The following UBE2E1 variants were observed in gnomAD, a reference collection of about 807,000 sequenced individuals.
The protein encoded by UBE2E1 is ubiquitin-conjugating enzyme E2 E1.
A neutral mutation model predicts 21.4 loss-of-function variants in UBE2E1; 6 were observed. The ratio of observed to expected loss-of-function variants is 0.28; its 90% CI spans 0.15 to 0.55. The LOEUF is 0.55. Ranked by LOEUF, UBE2E1 falls within the 20% of genes least tolerant of loss-of-function variation. UBE2E1 has a pLI of 0.93. For missense variants in UBE2E1, 142 were observed against 236.5 expected (o/e 0.60, Z 2.62); for synonymous variants, 87 against 82.7 (o/e 1.05, Z -0.28).
chr3:23,834,862 A>G (rs1486727465), intron 3 of UBE2E1, among the ~76,000 whole-genome samples: 1 of 152,250 alleles, frequency 6.6e-6, no homozygotes, highest in Non-Finnish European at 1.5e-5. Context: ...TATTAATGTA[A>G]TGAAAGAAAT....
At chr3:23,875,897 T>C (rs972645940) in intron 3 of UBE2E1, among the ~76,000 whole-genome samples, 9 of 152,190 alleles carry the variant, frequency 5.9e-5, no homozygotes, top group African/African-American at 1.9e-4. Context: ...CTCACCCTTC[T>C]GAGTAGCTGG....
intron 3 of UBE2E1, among the ~76,000 whole-genome samples, chr3:23,825,460 G>A (rs554198987): frequency 6.6e-6 from 1 of 152,338 alleles, no homozygotes; most frequent in East Asian, 1.9e-4. Context: ...CAGCAAAAAA[G>A]ACACTGTCTC....
chr3:23,822,376 T>C (rs776391287), intron 3 of UBE2E1, among the ~76,000 whole-genome samples: 2 of 152,218 alleles, frequency 1.3e-5, no homozygotes, highest in Non-Finnish European at 2.9e-5. Flanking sequence ...TTCTACACTT[T>C]AGGGCAGAAT....
At chr3:23,821,452 T>A (rs1699643221) in intron 3 of UBE2E1, among the ~76,000 whole-genome samples, 1 of 152,224 alleles carries the variant, frequency 6.6e-6, no homozygotes, top group Non-Finnish European at 1.5e-5. Flanking sequence ...TTTTTCTCAA[T>A]AATGCTTTAA....
chr3:23,813,863 G>A (rs1699455045), intron 3 of UBE2E1, among the ~76,000 whole-genome samples: 1 of 152,108 alleles, frequency 6.6e-6, no homozygotes, highest in Non-Finnish European at 1.5e-5. Context: ...TTTGAAGTCA[G>A]CGTCCAATGA....
intron 3 of UBE2E1, among the ~76,000 whole-genome samples, chr3:23,860,060 G>GA (rs1700520058): frequency 6.6e-6 from 1 of 152,174 alleles, no homozygotes; most frequent in South Asian, 2.1e-4. Flanking sequence ...AGGATGTCTT[G>GA]AAATAAGGGA....
chr3:23,825,008 G>A (rs909239279), intron 3 of UBE2E1, among the ~76,000 whole-genome samples: 7 of 152,188 alleles, frequency 4.6e-5, no homozygotes, highest in Admixed American at 2.0e-4. Flanking sequence ...TCCCCAACAA[G>A]TATATACGAA....
chr3:23,814,636 C>G (rs776089382), intron 3 of UBE2E1, among the ~76,000 whole-genome samples: 1 of 152,106 alleles, frequency 6.6e-6, no homozygotes, highest in Non-Finnish European at 1.5e-5. Context: ...TAAAGCGTGC[C>G]AGATCTTAGA....
At chr3:23,869,542 T>C (rs1700735544) in intron 3 of UBE2E1, among the ~76,000 whole-genome samples, 1 of 151,428 alleles carries the variant, frequency 6.6e-6, no homozygotes, top group Non-Finnish European at 1.5e-5. Context: ...TACAAGTAGT[T>C]TATTTCCAGG....
At chr3:23,846,403 A>G (rs1043454357) in intron 3 of UBE2E1, among the ~76,000 whole-genome samples, 2 of 152,066 alleles carry the variant, frequency 1.3e-5, no homozygotes, top group Non-Finnish European at 2.9e-5. Context: ...AGTCTCTTAA[A>G]AAAGAGAATG....
In UBE2E1 at chr3:23,885,875, A is replaced by C. The variant is rs187360797; in HGVS notation, c.204-1692A>C. Among the ~76,000 whole-genome samples, 557 of 151,786 alleles carry C rather than the reference A, an allele frequency of 3.7e-3. 1 individual carries two copies. The highest frequency in any genetic ancestry group is 0.024 in the Middle Eastern group (7 of 294). On this transcript the variant is annotated intron_variant, in intron 3 of 5. Coordinates refer to ENST00000306627, the MANE Select transcript of UBE2E1 (RefSeq NM_003341.5). Reference sequence around the variant, plus strand: ...AACTCCGCCTTAAAAAACAAACAAAAAAAACAAAACAAACAAAAAAACTCT... The same window carrying C: ...AACTCCGCCTTAAAAAACAAACAAACAAAACAAAACAAACAAAAAAACTCT...
intron 3 of UBE2E1, among the ~76,000 whole-genome samples, chr3:23,835,883 G>A (rs946716886): frequency 3.9e-5 from 6 of 152,152 alleles, no homozygotes; most frequent in South Asian, 2.1e-4. Flanking sequence ...ATTTCAACAC[G>A]TAATAGCTTT....
At position 23,853,005 on chromosome 3, in the gene UBE2E1, C is replaced by T. The variant is rs1700359183; in HGVS notation, c.204-34562C>T. Among the ~76,000 whole-genome samples the T allele has an allele frequency of 6.6e-6, 1 of 152,056 alleles. No homozygotes were observed. Among genetic ancestry groups the T allele is most frequent in the Non-Finnish European group, 1.5e-5 (1 of 68,018 alleles). ...GATCTCGGCTCACCACAACTTACGC[C>T]TCCTGAGTTCAAGTGATTCTCCTGC... On this transcript the variant is annotated intron_variant, in intron 3 of 5. Transcript: ENST00000306627. The surrounding 1 kb of genome is among the most constrained non-coding windows in gnomAD (Gnocchi z 4.1).
At chr3:23,856,445 G>T (rs139401987) in intron 3 of UBE2E1, among the ~76,000 whole-genome samples, 7 of 152,354 alleles carry the variant, frequency 4.6e-5, no homozygotes, top group Non-Finnish European at 8.8e-5. Flanking sequence ...CCCATCTGGA[G>T]TATGGTTTGG....
chr3:23,878,635 G>A (rs575641868), intron 3 of UBE2E1, among the ~76,000 whole-genome samples: 6 of 152,304 alleles, frequency 3.9e-5, no homozygotes, highest in Middle Eastern at 3.4e-3. Context: ...ATGGCATTAG[G>A]TTCTCATAGG....
chr3:23,824,408 C>T (rs113033162), intron 3 of UBE2E1, among the ~76,000 whole-genome samples: 105 of 152,306 alleles, frequency 6.9e-4, no homozygotes, highest in Admixed American at 1.4e-3. Context: ...ATTCTGTCTC[C>T]AGATGACTGG....
chr3:23,856,949 G>A lies in UBE2E1; in HGVS notation c.204-30618G>A, dbSNP rs894895273. On this transcript the variant is annotated intron_variant, in intron 3 of 5. Coordinates refer to ENST00000306627, the MANE Select transcript of UBE2E1 (RefSeq NM_003341.5). ...GTCCCGGATTTTGAGGTTGCAGTGC[G>A]CTGTGATCACAACACTGCACTCGGC... Among the ~76,000 whole-genome samples the A allele has an allele frequency of 3.4e-5, 5 of 149,008 alleles. No homozygotes were observed. In the Admixed American group the frequency reaches 3.4e-4, roughly 10 times the overall value.
At position 23,811,446 on chromosome 3, in the gene UBE2E1, T is replaced by G. The variant is rs545117774; in HGVS notation, c.153-14T>G. 6.2e-7 allele frequency: 1 copy of G among 1,614,124 alleles called. No individual in the cohort carries two copies. The highest frequency in any genetic ancestry group is 1.3e-5 in the African/African-American group (1 of 75,034). On this transcript the variant is annotated splice_polypyrimidine_tract_variant and intron_variant, in intron 2 of 5. Transcript: ENST00000306627. ...TGCTTCTTGTGTTTGTCTTTCCCAT[T>G]TCTCCCACTCCAGAATTCAGAAGGA...
At chr3:23,852,422 T>C (rs1700346236) in intron 3 of UBE2E1, among the ~76,000 whole-genome samples, 1 of 152,182 alleles carries the variant, frequency 6.6e-6, no homozygotes, top group Admixed American at 6.5e-5. Flanking sequence ...TACTCACGGG[T>C]AGTATATAGC....
Sources: gnomAD v4.1 joint callset for allele counts (sites outside exome capture counted in the v4.1 genomes callset) on GRCh38, gnomAD v4.1.1 for gene constraint, Gnocchi (gnomAD v3.1) non-coding constraint, MANE v1.5 for transcripts, NCBI Gene and HGNC (gene_info 2026-07-23, HGNC 2026-07-21) for gene names.